Variants in HS3ST5 observed in about 807,000 individuals in gnomAD.
HS3ST5 encodes heparan sulfate-glucosamine 3-sulfotransferase 5.
In HS3ST5, 10 loss-of-function variants were observed where a neutral mutation model predicts 25.4. That is an observed-to-expected ratio of 0.39 (90% CI 0.24 to 0.67). HS3ST5 has a LOEUF of 0.67. Among genes scored for constraint, HS3ST5 ranks in the 30% least tolerant of loss-of-function variants. The pLI is 0.44. For missense variants in HS3ST5, 324 were observed against 420.7 expected, an observed-to-expected ratio of 0.77 and a Z score of 2.01; for synonymous variants, 170 against 162.4, an observed-to-expected ratio of 1.05 and a Z score of -0.36.
chr6:114,217,200 C>G (rs1781812084), intron 2 of HS3ST5, among the ~76,000 whole-genome samples: 1 of 152,166 alleles, frequency 6.6e-6, no homozygotes, highest in African/African-American at 2.4e-5. Context: ...TCAATTTCAA[C>G]TCAAAGGTCT....
At chr6:114,200,138 A>G (rs1780945945) in intron 2 of HS3ST5, among the ~76,000 whole-genome samples, 1 of 152,270 alleles carries the variant, frequency 6.6e-6, no homozygotes, top group South Asian at 2.1e-4. Flanking sequence ...AATCCCTTGA[A>G]CCCTGGAGGT....
At chr6:114,243,278 A>G (rs1158235169) in intron 1 of HS3ST5, among the ~76,000 whole-genome samples, 1 of 152,200 alleles carries the variant, frequency 6.6e-6, no homozygotes, top group Admixed American at 6.5e-5. Flanking sequence ...TCCTGGCTTT[A>G]TTCAAAATAC....
intron 2 of HS3ST5, among the ~76,000 whole-genome samples, chr6:114,211,310 C>T (rs1318856831): frequency 2.0e-5 from 3 of 152,110 alleles, no homozygotes; most frequent in Non-Finnish European, 4.4e-5. Context: ...TCCACTTCAT[C>T]TTATTTCCTC....
At chr6:114,109,505 C>G (rs907959015) in intron 3 of HS3ST5, among the ~76,000 whole-genome samples, 21 of 152,274 alleles carry the variant, frequency 1.4e-4, no homozygotes, top group Middle Eastern at 3.4e-3. Context: ...GGCTGGACTT[C>G]CCCGGGGCCA....
intron 1 of HS3ST5, among the ~76,000 whole-genome samples, chr6:114,336,889 A>T (rs1776633131): frequency 6.6e-6 from 1 of 152,216 alleles, no homozygotes; most frequent in South Asian, 2.1e-4. Context: ...ACTATACTCA[A>T]ATAGTAAGAT....
chr6:114,323,290 C>A (rs142072028), intron 1 of HS3ST5, among the ~76,000 whole-genome samples: 71 of 152,122 alleles, frequency 4.7e-4, no homozygotes, highest in Non-Finnish European at 6.3e-4. Flanking sequence ...GTAAAACTGC[C>A]TAGTGCATAT....
At chr6:114,225,764 G>A (rs1487731744) in intron 2 of HS3ST5, among the ~76,000 whole-genome samples, 1 of 151,862 alleles carries the variant, frequency 6.6e-6, no homozygotes, top group East Asian at 1.9e-4. Flanking sequence ...CTTTCAGTGG[G>A]TTTGCTGTTC....
At chr6:114,190,247 G>A (rs2114293236) in intron 2 of HS3ST5, among the ~76,000 whole-genome samples, 1 of 152,208 alleles carries the variant, frequency 6.6e-6, no homozygotes, top group East Asian at 1.9e-4. Context: ...CTGTTACTAA[G>A]CTTACCCTTG....
intron 1 of HS3ST5, among the ~76,000 whole-genome samples, chr6:114,230,555 T>C (rs911513548): frequency 1.3e-5 from 2 of 152,088 alleles, no homozygotes; most frequent in African/African-American, 2.4e-5. Context: ...TATTTCTTTT[T>C]TCTTAGATGC....
intron 3 of HS3ST5, among the ~76,000 whole-genome samples, chr6:114,088,757 T>C (rs1027358550): frequency 6.6e-6 from 1 of 152,226 alleles, no homozygotes; most frequent in Non-Finnish European, 1.5e-5. Flanking sequence ...TATTCATGTA[T>C]GTAAATATAT....
chr6:114,189,139 A>G (rs72952580), intron 2 of HS3ST5, among the ~76,000 whole-genome samples: 4,156 of 152,222 alleles, frequency 0.027, 54 homozygotes, highest in South Asian at 0.05. Context: ...AAAACATGAT[A>G]TTGTGAGATA....
intron 2 of HS3ST5, among the ~76,000 whole-genome samples, chr6:114,193,987 T>TA (rs980298740): frequency 1.3e-5 from 2 of 152,168 alleles, no homozygotes; most frequent in Non-Finnish European, 2.9e-5. Context: ...AATGGGCCTA[T>TA]AAAAATAAGT....
In HS3ST5 at chr6:114,248,732, A is replaced by C. The variant is rs77880606; in HGVS notation, c.-338-19954T>G. On this transcript the variant is annotated intron_variant, in intron 1 of 4. Coordinates refer to ENST00000312719, the MANE Select transcript of HS3ST5 (RefSeq NM_153612.4). ...TCATGAAGTTACAGTCTAATGATTC[A>C]GACAACTTAATTATTTTCAAGATAG... Among the ~76,000 whole-genome samples, 511 of 152,374 alleles carry C rather than the reference A, an allele frequency of 3.4e-3. 3 individuals carry two copies. The highest frequency in any genetic ancestry group is 0.012 in the African/African-American group (480 of 41,592).
At chr6:114,226,420 AG>A (rs574781167) in intron 2 of HS3ST5, among the ~76,000 whole-genome samples, 2 of 152,032 alleles carry the variant, frequency 1.3e-5, no homozygotes, top group East Asian at 3.9e-4. Context: ...TTCATCTTGG[AG>A]GAAAAATTTC....
At chr6:114,115,944 G>T (rs1290351965) in intron 3 of HS3ST5, among the ~76,000 whole-genome samples, 1 of 151,986 alleles carries the variant, frequency 6.6e-6, no homozygotes, top group African/African-American at 2.4e-5. Context: ...CACTGCAGTT[G>T]AACTGGCCCT....
At chr6:114,261,226 A>G (rs1406950567) in intron 1 of HS3ST5, among the ~76,000 whole-genome samples, 2 of 152,222 alleles carry the variant, frequency 1.3e-5, no homozygotes, top group Non-Finnish European at 2.9e-5. Context: ...GTTCTTTAGA[A>G]TGGGAAAAGT....
chr6:114,199,945 G>A (rs2114360463), intron 2 of HS3ST5, among the ~76,000 whole-genome samples: 1 of 152,278 alleles, frequency 6.6e-6, no homozygotes, highest in Middle Eastern at 3.4e-3. Context: ...AGGGCACGGT[G>A]GCTCACGCCT....
intron 1 of HS3ST5, among the ~76,000 whole-genome samples, chr6:114,270,367 A>T (rs953517545): frequency 5.3e-5 from 8 of 152,200 alleles, no homozygotes; most frequent in South Asian, 4.1e-4. Context: ...AGGAACTTTT[A>T]AAAAAAATCC....
chr6:114,146,393 C>T (rs917487197), intron 3 of HS3ST5, among the ~76,000 whole-genome samples: 8 of 152,162 alleles, frequency 5.3e-5, no homozygotes, highest in Non-Finnish European at 1.2e-4. Context: ...CCCATAAAGT[C>T]CTGTGATTGT....
Sources: allele counts gnomAD v4.1 joint callset (sites outside exome capture counted in the v4.1 genomes callset), GRCh38; gene constraint gnomAD v4.1.1; transcripts MANE v1.5; gene names NCBI Gene and HGNC (gene_info 2026-07-23, HGNC 2026-07-21).